TMEM62: variants seen among roughly 807,000 people sequenced by gnomAD.
TMEM62 encodes the protein transmembrane protein 62.
A neutral mutation model predicts 70.4 loss-of-function variants in TMEM62; 41 were observed. The observed-to-expected ratio is 0.58, with a 90% CI of 0.45 to 0.76. The LOEUF is 0.76. TMEM62 is among the 30% of genes least tolerant of loss of function. TMEM62 has a pLI of 0.00. For missense variants in TMEM62, 688 were observed against 788.5 expected, an observed-to-expected ratio of 0.87 and a Z score of 1.53; for synonymous variants, 268 against 291.0, an observed-to-expected ratio of 0.92 and a Z score of 0.80.
Position 43,162,433 on chromosome 15 carries a change from C to CTTTTTTTTTTTTTTTTTTTTTTT in TMEM62, c.1296+1652_1296+1653insTTTTTTTTTTTTTTTTTTTTTTT, listed in dbSNP as rs1169921008. On this transcript the variant is annotated intron_variant, in intron 10 of 13. Coordinates refer to ENST00000260403, the MANE Select transcript of TMEM62 (RefSeq NM_024956.4). The stretch of plus-strand genomic sequence containing the variant: ...CAGGCGTGAGCCACTGCCCCTGGCC[C>CTTTTTTTTTTTTTTTTTTTTTTT]TTTTTTTTTTTTTGTTGAGCTGGAG... 8.6e-4 allele frequency among the ~76,000 whole-genome samples: 118 copies of CTTTTTTTTTTTTTTTTTTTTTTT among 136,996 alleles called. 9 individuals carry two copies. Among genetic ancestry groups the CTTTTTTTTTTTTTTTTTTTTTTT allele is most frequent in the African/African-American group, 3.5e-3 (114 of 32,540 alleles). The allele number at this position is 136,996 out of a possible 152,430, so 89.9% of individuals were successfully genotyped here.
chr15:43,146,419 T>C, intron 4 of TMEM62, 74 bp from the exon 5 acceptor site: 1 of 1,388,534 alleles, frequency 7.2e-7, no homozygotes, highest in Non-Finnish European at 9.7e-7. Context: ...AGGTAAAATC[T>C]AGCGTATTAG....
chr15:43,175,989 G>C (rs1226141143), intron 11 of TMEM62, among the ~76,000 whole-genome samples: 1 of 152,198 alleles, frequency 6.6e-6, no homozygotes, highest in South Asian at 2.1e-4. Context: ...CTAATACTGC[G>C]CTTTTCTGAT....
chr15:43,164,170 G>T lies in TMEM62; in HGVS notation c.1296+3376G>T, dbSNP rs77706226. Among the ~76,000 whole-genome samples the T allele has an allele frequency of 4.3e-3, 650 of 152,248 alleles. 7 individuals carry two copies. The highest frequency in any genetic ancestry group is 0.015 in the African/African-American group (605 of 41,556). On this transcript the variant is annotated intron_variant, in intron 10 of 13. Coordinates refer to ENST00000260403, the MANE Select transcript of TMEM62 (RefSeq NM_024956.4). ...GTCTAAGTATCTAAATTCAGAAAGA[G>T]CAATGCTGAAGCAATTTATAATTTT...
chr15:43,150,783 C>G (rs540236522), intron 7 of TMEM62, among the ~76,000 whole-genome samples: 48 of 152,296 alleles, frequency 3.2e-4, no homozygotes, highest in African/African-American at 1.1e-3. Flanking sequence ...CTTTGGACCA[C>G]AGGCATGATA....
chr15:43,171,742 C>T (rs1336833861), intron 11 of TMEM62, among the ~76,000 whole-genome samples: 1 of 151,368 alleles, frequency 6.6e-6, no homozygotes, highest in Non-Finnish European at 1.5e-5. Context: ...ATTCTCCTGC[C>T]TCAGCCTCCC....
chr15:43,153,607 A>C (rs989862750), intron 8 of TMEM62, among the ~76,000 whole-genome samples: 1 of 152,124 alleles, frequency 6.6e-6, no homozygotes, highest in Non-Finnish European at 1.5e-5. Flanking sequence ...ATGTTGTGGC[A>C]TATGTCAGAA....
At position 43,133,765 on chromosome 15, in the gene TMEM62, C is replaced by A; in HGVS notation, c.-38C>A. 7.6e-7 allele frequency: 1 copy of A among 1,318,546 alleles called. No homozygotes were observed. The highest frequency in any genetic ancestry group is 9.6e-7 in the Non-Finnish European group (1 of 1,037,210). 81.7% of individuals were successfully genotyped at this position (1,318,546 alleles called of 1,614,324 possible). ...CCCGGGAGCGCCGCGCGGTCCTGCG[C>A]GGGATCAGCGAGGGCCGCGCCCCGG... On this transcript the variant is annotated 5_prime_UTR_variant, in exon 1 of 14. Transcript: ENST00000260403.
At chr15:43,176,534 C>T (rs1013843117) in intron 11 of TMEM62, among the ~76,000 whole-genome samples, 23 of 152,286 alleles carry the variant, frequency 1.5e-4, no homozygotes, top group African/African-American at 5.3e-4. Flanking sequence ...CACGAAAATC[C>T]GCTGTTCTGC....
chr15:43,177,056 C>A (rs868196512), intron 11 of TMEM62, among the ~76,000 whole-genome samples: 2 of 152,032 alleles, frequency 1.3e-5, no homozygotes, highest in Middle Eastern at 6.8e-3. Flanking sequence ...GCCTCAGGAG[C>A]CGATGCGATC....
intron 10 of TMEM62, among the ~76,000 whole-genome samples, chr15:43,165,472 G>A (rs1460664908): frequency 6.6e-6 from 1 of 152,044 alleles, no homozygotes; most frequent in Non-Finnish European, 1.5e-5. Context: ...GGTGGCTCAC[G>A]CCTGTAATCC....
chr15:43,140,815 C>T (rs1330984262), intron 4 of TMEM62, among the ~76,000 whole-genome samples: 1 of 152,170 alleles, frequency 6.6e-6, no homozygotes, highest in Non-Finnish European at 1.5e-5. Context: ...GCTTCCCTTC[C>T]AGAAGCATAG....
At chr15:43,170,803 C>A (rs2040107212) in intron 11 of TMEM62, among the ~76,000 whole-genome samples, 2 of 152,204 alleles carry the variant, frequency 1.3e-5, no homozygotes, top group South Asian at 2.1e-4. Flanking sequence ...TATATGTACA[C>A]ACTATATTAT....
At chr15:43,172,286 C>A (rs1406103485) in intron 11 of TMEM62, among the ~76,000 whole-genome samples, 1 of 151,994 alleles carries the variant, frequency 6.6e-6, no homozygotes, top group Admixed American at 6.6e-5. Flanking sequence ...ATAAATTTAT[C>A]CCATTTACAT....
chr15:43,164,868 C>G (rs1042758664), intron 10 of TMEM62, among the ~76,000 whole-genome samples: 2 of 152,124 alleles, frequency 1.3e-5, no homozygotes, highest in Non-Finnish European at 2.9e-5. Flanking sequence ...TATTTTCCTT[C>G]TGAATATGTC....
intron 4 of TMEM62, among the ~76,000 whole-genome samples, chr15:43,143,530 A>G (rs907530673): frequency 8.5e-5 from 13 of 152,210 alleles, no homozygotes; most frequent in African/African-American, 3.1e-4. Flanking sequence ...ACGGGCTTAA[A>G]AAATTGTTTA....
intron 3 of TMEM62, among the ~76,000 whole-genome samples, chr15:43,138,320 T>C (rs1489528369): frequency 1.3e-5 from 2 of 152,106 alleles, no homozygotes; most frequent in African/African-American, 4.8e-5. Flanking sequence ...GAGTCTACCC[T>C]TTCCTTAGGC....
chr15:43,165,266 T>TC (rs2039256334), intron 10 of TMEM62, among the ~76,000 whole-genome samples: 2 of 152,064 alleles, frequency 1.3e-5, no homozygotes, highest in African/African-American at 4.8e-5. Flanking sequence ...TTCCTTTTTT[T>TC]CTCCTCTGTG....
chr15:43,175,849 C>G (rs781536448), intron 11 of TMEM62, among the ~76,000 whole-genome samples: 2 of 152,162 alleles, frequency 1.3e-5, no homozygotes, highest in African/African-American at 2.4e-5. Flanking sequence ...GTGGGTCCAG[C>G]GCACCGTGCG....
chr15:43,151,367 A>T (rs1345176278), intron 7 of TMEM62, among the ~76,000 whole-genome samples: 1 of 151,948 alleles, frequency 6.6e-6, no homozygotes, highest in South Asian at 2.1e-4. Context: ...AGCATGAAAG[A>T]TTTCTAATTT....
Sources: allele counts gnomAD v4.1 joint callset (sites outside exome capture counted in the v4.1 genomes callset), GRCh38; gene constraint gnomAD v4.1.1; transcripts MANE v1.5; gene names NCBI Gene and HGNC (gene_info 2026-07-23, HGNC 2026-07-21).